ST6GALNAC5: variants seen among roughly 807,000 people sequenced by gnomAD.
The protein encoded by ST6GALNAC5 is alpha-N-acetylgalactosaminide alpha-2,6-sialyltransferase 5.
ST6GALNAC5 carries 27 observed loss-of-function variants against 33.6 expected under a neutral mutation model. That is an observed-to-expected ratio of 0.80 (90% CI 0.59 to 1.11). The LOEUF is 1.11. Among genes scored for constraint, ST6GALNAC5 ranks in the 50% least tolerant of loss-of-function variants. The probability of loss-of-function intolerance (pLI) is 0.00; values close to 1 mark genes in which losing one functional copy is unlikely to be tolerated. For synonymous variants in ST6GALNAC5, 194 were observed against 171.2 expected (o/e 1.13, Z -1.04); for missense variants, 428 against 454.0 (o/e 0.94, Z 0.52).
At chr1:77,062,204 C>T (rs1252391854) in intron 4 of ST6GALNAC5, among the ~76,000 whole-genome samples, 1 of 152,098 alleles carries the variant, frequency 6.6e-6, no homozygotes, top group Non-Finnish European at 1.5e-5. Context: ...AGGAATAAGA[C>T]AAAACACTGC....
intron 2 of ST6GALNAC5, among the ~76,000 whole-genome samples, chr1:76,886,823 T>C (rs933808756): frequency 6.6e-6 from 1 of 152,264 alleles, no homozygotes; most frequent in African/African-American, 2.4e-5. Flanking sequence ...TGTGTCTGAC[T>C]AATTTTATTT....
At chr1:77,032,486 G>T (rs1443671645) in intron 2 of ST6GALNAC5, among the ~76,000 whole-genome samples, 1 of 152,076 alleles carries the variant, frequency 6.6e-6, no homozygotes, top group Admixed American at 6.5e-5. Context: ...GGGTCAGCAG[G>T]GTCAGTGAGT....
chr1:77,063,428 G>A lies in ST6GALNAC5; in HGVS notation c.*222G>A. The A allele has an allele frequency of 1.8e-6, 1 of 550,030 alleles. No individual in the cohort carries two copies. Among genetic ancestry groups the A allele is most frequent in the Non-Finnish European group, 3.3e-6 (1 of 306,188 alleles). 34.1% of individuals were successfully genotyped at this position (550,030 alleles called of 1,614,324 possible). A position where few individuals can be genotyped will look rare whatever the true frequency, so the allele number is the denominator to read the frequency against. Reference sequence around the variant, plus strand: ...CTAATGAATGTTGTCCCCTTCAATGGTGTTACCTTAGGAGCTGAACATTCA... The same window carrying A: ...CTAATGAATGTTGTCCCCTTCAATGATGTTACCTTAGGAGCTGAACATTCA... On this transcript the variant is annotated 3_prime_UTR_variant, in exon 5 of 5. Coordinates refer to ENST00000477717, the MANE Select transcript of ST6GALNAC5 (RefSeq NM_030965.3).
intron 2 of ST6GALNAC5, among the ~76,000 whole-genome samples, chr1:76,967,078 C>T (rs1047395084): frequency 6.6e-6 from 1 of 152,130 alleles, no homozygotes; most frequent in Non-Finnish European, 1.5e-5. Flanking sequence ...TGTGTCACTG[C>T]CAGCCTTTGG....
At chr1:76,965,329 T>C (rs148948687) in intron 2 of ST6GALNAC5, among the ~76,000 whole-genome samples, 3 of 152,312 alleles carry the variant, frequency 2.0e-5, no homozygotes, top group African/African-American at 7.2e-5. Context: ...CAGTATCTCA[T>C]TGTGGTTTTG....
chr1:77,016,174 G>GTA (rs374178831), intron 2 of ST6GALNAC5, among the ~76,000 whole-genome samples: 55 of 3,590 alleles, frequency 0.015, 16 homozygotes, highest in Non-Finnish European at 0.026. Context: ...TCCTCCTCCT[G>GTA]TCCTCCCCCT....
chr1:76,971,023 T>A (rs1002761931), intron 2 of ST6GALNAC5, among the ~76,000 whole-genome samples: 1 of 152,194 alleles, frequency 6.6e-6, no homozygotes, highest in African/African-American at 2.4e-5. Flanking sequence ...ATTATGATAG[T>A]GAATTGAAAT....
intron 2 of ST6GALNAC5, chr1:76,869,091 T>G (rs1486306585): frequency 4.2e-6 from 1 of 238,732 alleles, no homozygotes. Context: ...CGCTGCCTGG[T>G]GGGAGGAAAC....
At chr1:76,939,898 G>A (rs1230609781) in intron 2 of ST6GALNAC5, among the ~76,000 whole-genome samples, 1 of 151,978 alleles carries the variant, frequency 6.6e-6, no homozygotes, top group Non-Finnish European at 1.5e-5. Context: ...ATGACTTTGG[G>A]GAACTTACTT....
intron 2 of ST6GALNAC5, among the ~76,000 whole-genome samples, chr1:76,967,066 G>A (rs928932119): frequency 2.6e-5 from 4 of 152,024 alleles, no homozygotes; most frequent in African/African-American, 4.8e-5. Context: ...CTCTTTTTTT[G>A]TTGTGTCACT....
intron 1 of ST6GALNAC5, among the ~76,000 whole-genome samples, 165 bp downstream of exon 1, chr1:76,867,855 G>A (rs1653378772): frequency 6.6e-6 from 1 of 152,116 alleles, no homozygotes; most frequent in Admixed American, 6.5e-5. Context: ...CGATTCTCCA[G>A]CTCTGCCTGG....
chr1:76,894,476 A>AG (rs918107779), intron 2 of ST6GALNAC5, among the ~76,000 whole-genome samples: 56 of 139,964 alleles, frequency 4.0e-4, no homozygotes, highest in Middle Eastern at 3.8e-3. Context: ...AGGAAGAGGC[A>AG]GGGGGGGGAT....
intron 2 of ST6GALNAC5, among the ~76,000 whole-genome samples, chr1:76,977,910 A>G (rs1391326708): frequency 6.6e-6 from 1 of 152,180 alleles, no homozygotes; most frequent in South Asian, 2.1e-4. Context: ...ATCCTTTTCC[A>G]TAATGGCTAT....
intron 2 of ST6GALNAC5, among the ~76,000 whole-genome samples, chr1:76,870,097 G>C (rs923232381): frequency 2.0e-4 from 30 of 152,278 alleles, no homozygotes; most frequent in African/African-American, 7.0e-4. Flanking sequence ...CAGGGGTTGG[G>C]GGGTAGGGGT....
chr1:76,979,267 A>G (rs78649933), intron 2 of ST6GALNAC5, among the ~76,000 whole-genome samples: 134 of 152,308 alleles, frequency 8.8e-4, no homozygotes, highest in African/African-American at 3.1e-3. Flanking sequence ...AATGGAAAAA[A>G]AAATCTTAAA....
chr1:76,998,351 G>T (rs530540757), intron 2 of ST6GALNAC5, among the ~76,000 whole-genome samples: 7 of 152,174 alleles, frequency 4.6e-5, no homozygotes, highest in African/African-American at 1.7e-4. Flanking sequence ...AGCTATGATT[G>T]TGCCACTGCA....
chr1:76,914,756 ATT>A (rs1322878397), intron 2 of ST6GALNAC5, among the ~76,000 whole-genome samples: 3 of 152,174 alleles, frequency 2.0e-5, no homozygotes, highest in African/African-American at 7.2e-5. Flanking sequence ...AAACCTAGGC[ATT>A]ACCATTCAGG....
chr1:76,893,852 G>T (rs968452744), intron 2 of ST6GALNAC5, among the ~76,000 whole-genome samples: 1 of 152,006 alleles, frequency 6.6e-6, no homozygotes, highest in Admixed American at 6.5e-5. Flanking sequence ...GTAGAGACAG[G>T]GTTTCACCAT....
intron 2 of ST6GALNAC5, among the ~76,000 whole-genome samples, chr1:76,934,860 G>A (rs111816861): frequency 0.015 from 2,212 of 152,100 alleles, 52 homozygotes; most frequent in African/African-American, 0.049. Flanking sequence ...CTTCAATGAC[G>A]ATGTGCAAAT....
Sources: gnomAD v4.1 joint callset for allele counts (sites outside exome capture counted in the v4.1 genomes callset) on GRCh38, gnomAD v4.1.1 for gene constraint, MANE v1.5 for transcripts, NCBI Gene and HGNC (gene_info 2026-07-23, HGNC 2026-07-21) for gene names.